The following DLG2 variants were observed in gnomAD, a reference collection of about 807,000 sequenced individuals.
DLG2 encodes the protein disks large homolog 2.
DLG2 carries 45 observed loss-of-function variants against 132.5 expected under a neutral mutation model. The ratio of observed to expected loss-of-function variants is 0.34; its 90% CI spans 0.27 to 0.44. The LOEUF (loss-of-function observed/expected upper bound fraction) is 0.44, where lower values mean the gene tolerates loss of function less well. DLG2 is among the 20% of genes least tolerant of loss of function. The probability of loss-of-function intolerance (pLI) is 1.00; values close to 1 mark genes in which losing one functional copy is unlikely to be tolerated. For missense variants in DLG2, 1,045 were observed against 1,196.9 expected (o/e 0.87, Z 1.87); for synonymous variants, 424 against 419.6 (o/e 1.01, Z -0.13).
intron 9 of DLG2, among the ~76,000 whole-genome samples, chr11:84,155,954 G>C (rs1212845330): frequency 6.6e-6 from 1 of 152,148 alleles, no homozygotes; most frequent in African/African-American, 2.4e-5. Context: ...CATCACTTTG[G>C]CTGCAATATT....
At chr11:84,390,852 A>T (rs1198660305) in intron 7 of DLG2, among the ~76,000 whole-genome samples, 1 of 152,178 alleles carries the variant, frequency 6.6e-6, no homozygotes, top group Non-Finnish European at 1.5e-5. Context: ...TCACTCATAG[A>T]AGTCAGATGC....
chr11:84,320,401 T>C (rs1445456690), intron 7 of DLG2, among the ~76,000 whole-genome samples: 9 of 152,176 alleles, frequency 5.9e-5, no homozygotes, highest in African/African-American at 2.2e-4. Flanking sequence ...AAAGGAGAGC[T>C]AAGTGATTGC....
intron 3 of DLG2, among the ~76,000 whole-genome samples, chr11:85,370,531 C>T (rs1333005958): frequency 1.3e-5 from 2 of 152,180 alleles, no homozygotes; most frequent in Non-Finnish European, 2.9e-5. Context: ...CCTATGGCAC[C>T]AATCTGCTCT....
chr11:83,583,642 G>A (rs544398636), intron 19 of DLG2, among the ~76,000 whole-genome samples: 1 of 152,198 alleles, frequency 6.6e-6, no homozygotes, highest in Non-Finnish European at 1.5e-5. Flanking sequence ...AACTGATACA[G>A]TTTTACCATA....
intron 18 of DLG2, among the ~76,000 whole-genome samples, chr11:83,641,673 C>T (rs1234472704): frequency 6.6e-6 from 1 of 152,194 alleles, no homozygotes; most frequent in African/African-American, 2.4e-5. Context: ...GAGCGCTGAG[C>T]TCTGGTGACT....
chr11:83,619,698 G>A (rs1839915034), intron 19 of DLG2, among the ~76,000 whole-genome samples: 1 of 152,118 alleles, frequency 6.6e-6, no homozygotes, highest in African/African-American at 2.4e-5. Context: ...CATTTATGAG[G>A]AAAGGGGCAG....
chr11:85,091,576 C>T (rs1049638403), intron 6 of DLG2, among the ~76,000 whole-genome samples: 1 of 152,202 alleles, frequency 6.6e-6, no homozygotes, highest in Admixed American at 6.5e-5. Context: ...TGGAGTCAAT[C>T]CTCTTGAATT....
At chr11:84,347,085 G>T (rs151013986) in intron 7 of DLG2, among the ~76,000 whole-genome samples, 46 of 152,234 alleles carry the variant, frequency 3.0e-4, no homozygotes, top group African/African-American at 1.0e-3. Context: ...CCATCTCAGT[G>T]TGGGGGTCAA....
At chr11:85,272,741 T>C (rs1039781804) in intron 4 of DLG2, among the ~76,000 whole-genome samples, 1 of 152,060 alleles carries the variant, frequency 6.6e-6, no homozygotes, top group African/African-American at 2.4e-5. Flanking sequence ...TTCACAGAAT[T>C]GGAAAAAGCT....
intron 6 of DLG2, among the ~76,000 whole-genome samples, chr11:84,823,873 A>G (rs533854168): frequency 6.6e-6 from 1 of 152,024 alleles, no homozygotes; most frequent in South Asian, 2.1e-4. Context: ...TAAAATTGGT[A>G]GCATGACTAT....
rs529284817 is a variant in DLG2 at position 84,076,659 on chromosome 11, C to T, written c.750-17175G>A. ...GCAAAACCCCAACCCTGACTGAACC[C>T]AACCCTCCACCTTCTTCACTGCCCC... is the stretch of plus-strand genomic sequence containing the variant. On this transcript the variant is annotated intron_variant, in intron 10 of 27. Coordinates refer to ENST00000376104, the MANE Select transcript of DLG2 (RefSeq NM_001142699.3). Among the ~76,000 whole-genome samples, 269 of 152,304 alleles carry T rather than the reference C, an allele frequency of 1.8e-3. 1 individual carries two copies. The highest frequency in any genetic ancestry group is 6.1e-3 in the African/African-American group (252 of 41,570).
At chr11:83,633,826 A>C (rs958711019) in intron 18 of DLG2, among the ~76,000 whole-genome samples, 3 of 151,768 alleles carry the variant, frequency 2.0e-5, no homozygotes, top group Non-Finnish European at 4.4e-5. Flanking sequence ...TGTCAATGTG[A>C]ATATCCTAGT....
intron 3 of DLG2, among the ~76,000 whole-genome samples, chr11:85,433,404 T>A (rs948512222): frequency 2.0e-5 from 3 of 152,178 alleles, no homozygotes; most frequent in African/African-American, 7.2e-5. Context: ...ACCAGTGTTC[T>A]GTATTCAAGA....
At position 84,696,205 on chromosome 11, in the gene DLG2, G is replaced by GA. The variant is rs931239745; in HGVS notation, c.358-161475dup. On this transcript the variant is annotated intron_variant, in intron 6 of 27. Coordinates refer to ENST00000376104, the MANE Select transcript of DLG2 (RefSeq NM_001142699.3). ...GCAATTTGTGCTCTGTCAGAACAAA[G>GA]AACTCTATGCTACTTATTATAATTA... Among the ~76,000 whole-genome samples, 61 of 151,646 alleles carry GA rather than the reference G, an allele frequency of 4.0e-4. 1 individual carries two copies. The highest frequency in any genetic ancestry group is 1.4e-3 in the African/African-American group (57 of 41,464).
intron 9 of DLG2, among the ~76,000 whole-genome samples, chr11:84,108,340 T>C (rs572960239): frequency 6.6e-6 from 1 of 152,194 alleles, no homozygotes; most frequent in Admixed American, 6.5e-5. Context: ...ACTTTGTAGC[T>C]GACACTGAAG....
intron 3 of DLG2, among the ~76,000 whole-genome samples, chr11:85,291,848 G>T (rs901764251): frequency 3.9e-5 from 6 of 152,042 alleles, no homozygotes; most frequent in African/African-American, 1.4e-4. Context: ...GCCTCCCAAA[G>T]TGCTGGGATT....
At chr11:83,969,902 T>C (rs548023490) in intron 12 of DLG2, among the ~76,000 whole-genome samples, 9 of 151,356 alleles carry the variant, frequency 5.9e-5, no homozygotes, top group African/African-American at 1.9e-4. Context: ...TGATGTTCTA[T>C]GGTTTAAAAT....
At chr11:84,359,920 T>C (rs1222423816) in intron 7 of DLG2, among the ~76,000 whole-genome samples, 1 of 151,946 alleles carries the variant, frequency 6.6e-6, no homozygotes, top group African/African-American at 2.4e-5. Context: ...ACAGTAAATT[T>C]CCTGATATAT....
intron 21 of DLG2, among the ~76,000 whole-genome samples, chr11:83,515,397 G>A (rs571259674): frequency 2.5e-4 from 38 of 151,878 alleles, no homozygotes; most frequent in East Asian, 7.7e-4. Context: ...TTTTTATTGC[G>A]TCTATTTGAT....
Sources: gnomAD v4.1 joint callset for allele counts (sites outside exome capture counted in the v4.1 genomes callset) on GRCh38, gnomAD v4.1.1 for gene constraint, MANE v1.5 for transcripts, NCBI Gene and HGNC (gene_info 2026-07-23, HGNC 2026-07-21) for gene names.